The following FHIT variants were observed in gnomAD, a reference collection of about 807,000 sequenced individuals.
FHIT encodes fragile histidine triad diadenosine triphosphatase.
A neutral mutation model predicts 17.9 loss-of-function variants in FHIT; 19 were observed. The observed-to-expected ratio is 1.06, with a 90% CI of 0.74 to 1.56. The LOEUF (loss-of-function observed/expected upper bound fraction) is 1.56, where lower values mean the gene tolerates loss of function less well. Among genes scored for constraint, FHIT ranks in the 40% most tolerant of loss-of-function variants. The pLI, the probability that FHIT is intolerant of heterozygous loss-of-function variation, is 0.00. For missense variants in FHIT, 248 were observed against 189.2 expected (o/e 1.31, Z -1.82); for synonymous variants, 81 against 69.7 (o/e 1.16, Z -0.81).
intron 5 of FHIT, among the ~76,000 whole-genome samples, chr3:60,024,483 T>C (rs1700663457): frequency 6.6e-6 from 1 of 152,192 alleles, no homozygotes; most frequent in Non-Finnish European, 1.5e-5. Context: ...TCAAGAACTC[T>C]GTATTTTTTT....
At chr3:60,254,970 T>C (rs1031913173) in intron 5 of FHIT, among the ~76,000 whole-genome samples, 3 of 152,240 alleles carry the variant, frequency 2.0e-5, no homozygotes, top group Non-Finnish European at 4.4e-5. Flanking sequence ...AATCATGTTC[T>C]TGACATATTT....
intron 4 of FHIT, among the ~76,000 whole-genome samples, chr3:60,619,093 T>C (rs782338631): frequency 2.6e-5 from 4 of 151,856 alleles, no homozygotes; most frequent in Non-Finnish European, 5.9e-5. Context: ...CAGCAAAGAT[T>C]AACATAGCAA....
At chr3:61,240,878 G>T (rs1003102215) in intron 1 of FHIT, among the ~76,000 whole-genome samples, 8 of 151,786 alleles carry the variant, frequency 5.3e-5, no homozygotes, top group African/African-American at 1.2e-4. Context: ...CACAGGCCTT[G>T]GTACCTCAAT....
At chr3:61,181,677 C>A (rs891940268) in intron 2 of FHIT, among the ~76,000 whole-genome samples, 1 of 152,286 alleles carries the variant, frequency 6.6e-6, no homozygotes, top group Non-Finnish European at 1.5e-5. Flanking sequence ...TAGTCCAAGT[C>A]GTCTAATGCT....
At chr3:60,073,850 C>T (rs1702890152) in intron 5 of FHIT, among the ~76,000 whole-genome samples, 1 of 152,114 alleles carries the variant, frequency 6.6e-6, no homozygotes, top group Non-Finnish European at 1.5e-5. Flanking sequence ...ACAATATAAA[C>T]ACTGCTACTT....
intron 5 of FHIT, among the ~76,000 whole-genome samples, chr3:60,482,477 C>A (rs1333388163): frequency 6.6e-5 from 10 of 152,162 alleles, no homozygotes; most frequent in African/African-American, 2.4e-4. Flanking sequence ...TCATAACAGT[C>A]TCTAGGACCA....
chr3:60,348,228 A>C (rs1710897330), intron 5 of FHIT, among the ~76,000 whole-genome samples: 1 of 152,204 alleles, frequency 6.6e-6, no homozygotes, highest in Admixed American at 6.5e-5. Context: ...ATGAATGAAA[A>C]AAGCAATTAC....
At chr3:60,692,009 T>C (rs1251971882) in intron 4 of FHIT, among the ~76,000 whole-genome samples, 3 of 152,340 alleles carry the variant, frequency 2.0e-5, no homozygotes, top group Admixed American at 1.3e-4. Context: ...AAGATGAAGA[T>C]TGTCTTTATG....
At chr3:60,495,247 G>A (rs777732103) in intron 5 of FHIT, among the ~76,000 whole-genome samples, 2 of 151,594 alleles carry the variant, frequency 1.3e-5, no homozygotes, top group Non-Finnish European at 2.9e-5. Flanking sequence ...CTTTTCATAT[G>A]CCTGTTAGCT....
At chr3:59,907,850 C>A (rs1704658626) in intron 8 of FHIT, among the ~76,000 whole-genome samples, 1 of 152,170 alleles carries the variant, frequency 6.6e-6, no homozygotes, top group Non-Finnish European at 1.5e-5. Flanking sequence ...TTTGGAGGCT[C>A]TTTGCCTTTT....
chr3:60,969,545 C>A (rs1165601374), intron 3 of FHIT, among the ~76,000 whole-genome samples: 1 of 152,012 alleles, frequency 6.6e-6, no homozygotes, highest in Non-Finnish European at 1.5e-5. Context: ...GTTATATCTT[C>A]ATTATCAGAA....
At chr3:60,974,985 T>A (rs1295724520) in intron 3 of FHIT, among the ~76,000 whole-genome samples, 1 of 152,228 alleles carries the variant, frequency 6.6e-6, no homozygotes, top group African/African-American at 2.4e-5. Context: ...ATGTGTTTCA[T>A]GTTTTTAAAA....
At chr3:61,061,215 T>A (rs559853149) in intron 2 of FHIT, among the ~76,000 whole-genome samples, 1 of 152,072 alleles carries the variant, frequency 6.6e-6, no homozygotes, top group East Asian at 1.9e-4. Context: ...TTATGAAACA[T>A]TTTCCCCCCT....
At chr3:59,999,428 T>G (rs1699643055) in intron 7 of FHIT, among the ~76,000 whole-genome samples, 1 of 152,122 alleles carries the variant, frequency 6.6e-6, no homozygotes, top group Non-Finnish European at 1.5e-5. Flanking sequence ...AGACTTTCAT[T>G]CAAAGATTCC....
chr3:60,284,528 A>G (rs1044225276), intron 5 of FHIT, among the ~76,000 whole-genome samples: 6 of 152,136 alleles, frequency 3.9e-5, no homozygotes, highest in Admixed American at 3.3e-4. Context: ...ATTTTAAGAG[A>G]GAAATCATGT....
intron 2 of FHIT, among the ~76,000 whole-genome samples, chr3:61,159,551 T>A (rs1054495144): frequency 5.9e-5 from 9 of 152,210 alleles, no homozygotes; most frequent in Non-Finnish European, 1.2e-4. Context: ...AGTTGAAAAG[T>A]TCCTGGATAC....
chr3:60,030,324 T>C (rs180773384), intron 5 of FHIT, among the ~76,000 whole-genome samples: 1 of 152,302 alleles, frequency 6.6e-6, no homozygotes, highest in Admixed American at 6.5e-5. Flanking sequence ...CTGTATGTTT[T>C]CCTTCACAAT....
At chr3:60,011,249 GTC>G in intron 7 of FHIT, 120 bp downstream of exon 7, 2 of 857,282 alleles carry the variant, frequency 2.3e-6, no homozygotes, top group South Asian at 3.0e-5. Flanking sequence ...AACACTGAGG[GTC>G]TCTCTGACCT....
chr3:60,894,692 A>G (rs188325956), intron 3 of FHIT, among the ~76,000 whole-genome samples: 2 of 152,200 alleles, frequency 1.3e-5, no homozygotes, highest in Admixed American at 1.3e-4. Context: ...AAAAACAAAC[A>G]AAAAAACAAA....
Sources: gnomAD v4.1 joint callset for allele counts (sites outside exome capture counted in the v4.1 genomes callset) on GRCh38, gnomAD v4.1.1 for gene constraint, MANE v1.5 for transcripts, NCBI Gene and HGNC (gene_info 2026-07-23, HGNC 2026-07-21) for gene names.